Variants in ENOX1 observed in about 807,000 individuals in gnomAD.
ENOX1 encodes the protein ecto-NOX disulfide-thiol exchanger 1.
Under a neutral mutation model 82.5 loss-of-function variants are expected in ENOX1, and 42 were observed. The ratio of observed to expected loss-of-function variants is 0.51; its 90% CI spans 0.40 to 0.66. The LOEUF is 0.66. Among genes scored for constraint, ENOX1 ranks in the 30% least tolerant of loss-of-function variants. The probability of loss-of-function intolerance (pLI) is 0.00; values close to 1 mark genes in which losing one functional copy is unlikely to be tolerated. For synonymous variants in ENOX1, 271 were observed against 282.2 expected, an observed-to-expected ratio of 0.96 and a Z score of 0.40; for missense variants, 608 against 811.6, an observed-to-expected ratio of 0.75 and a Z score of 3.05.
chr13:43,531,649 C>G, intron 2 of ENOX1, among the ~76,000 whole-genome samples: 1 of 142,280 alleles, frequency 7.0e-6, no homozygotes. Flanking sequence ...GCACTATTCA[C>G]AATAGCAAAG....
At chr13:43,288,801 C>T (rs1469451946) in intron 12 of ENOX1, among the ~76,000 whole-genome samples, 3 of 152,040 alleles carry the variant, frequency 2.0e-5, no homozygotes, top group African/African-American at 7.2e-5. Context: ...AACTTTCTAT[C>T]TTTAGTTTTT....
chr13:43,552,655 T>G (rs971301805), intron 2 of ENOX1, among the ~76,000 whole-genome samples: 1 of 152,166 alleles, frequency 6.6e-6, no homozygotes, highest in African/African-American at 2.4e-5. Context: ...GTATACACAG[T>G]AGGACCAAAA....
chr13:43,511,706 G>A (rs754760278), intron 2 of ENOX1, among the ~76,000 whole-genome samples: 4 of 152,050 alleles, frequency 2.6e-5, no homozygotes, highest in Admixed American at 6.6e-5. Flanking sequence ...ATTCTTACTC[G>A]TTCTTTTATA....
intron 2 of ENOX1, among the ~76,000 whole-genome samples, chr13:43,534,369 C>A (rs2078360606): frequency 6.6e-6 from 1 of 152,084 alleles, no homozygotes; most frequent in African/African-American, 2.4e-5. Context: ...CTACCCCTTT[C>A]CTCTCCCAGA....
At chr13:43,600,088 C>T (rs1025267697) in intron 2 of ENOX1, among the ~76,000 whole-genome samples, 33 of 152,168 alleles carry the variant, frequency 2.2e-4, no homozygotes, top group Admixed American at 1.3e-3. Context: ...TGTGACCCAG[C>T]ATATTGCCAG....
chr13:43,337,951 T>G (rs1332593632), intron 9 of ENOX1, among the ~76,000 whole-genome samples: 1 of 152,222 alleles, frequency 6.6e-6, no homozygotes, highest in Non-Finnish European at 1.5e-5. Context: ...CTGCTTTTTA[T>G]CCATGCTCAT....
intron 2 of ENOX1, among the ~76,000 whole-genome samples, chr13:43,570,664 T>C (rs2080138199): frequency 2.6e-5 from 4 of 151,724 alleles, no homozygotes; most frequent in Admixed American, 2.0e-4. Flanking sequence ...AAGCCCGGGA[T>C]AGAACAAACT....
At chr13:43,757,471 A>G (rs1594710999) in intron 1 of ENOX1, among the ~76,000 whole-genome samples, 1 of 152,052 alleles carries the variant, frequency 6.6e-6, no homozygotes, top group Non-Finnish European at 1.5e-5. Context: ...CCATCTCATC[A>G]CTCCAGCTTT....
intron 11 of ENOX1, among the ~76,000 whole-genome samples, chr13:43,319,691 C>T (rs1453972851): frequency 6.6e-6 from 1 of 152,152 alleles, no homozygotes; most frequent in African/African-American, 2.4e-5. Flanking sequence ...CCTCCCGGCA[C>T]AGGCAGGTGA....
chr13:43,756,691 A>T (rs561242793), intron 1 of ENOX1, among the ~76,000 whole-genome samples: 17 of 152,136 alleles, frequency 1.1e-4, no homozygotes, highest in African/African-American at 4.1e-4. Context: ...CTTAGTAAGG[A>T]TTTGCTCATT....
intron 1 of ENOX1, 81 bp from the exon 2 acceptor site, chr13:43,667,625 G>GTTTCGC (rs2085047737): frequency 2.5e-6 from 1 of 400,206 alleles, no homozygotes; most frequent in Non-Finnish European, 3.4e-6. Flanking sequence ...TATGTAAGCA[G>GTTTCGC]ATGCAAGGTT....
At chr13:43,511,480 A>T (rs1320613783) in intron 2 of ENOX1, among the ~76,000 whole-genome samples, 6 of 152,150 alleles carry the variant, frequency 3.9e-5, no homozygotes, top group Non-Finnish European at 1.5e-5. Context: ...CAGTATAAGC[A>T]TATCAGATTG....
At chr13:43,412,171 A>AAAT (rs2054175396) in intron 4 of ENOX1, 118 bp from the exon 5 acceptor site, 1 of 1,175,824 alleles carries the variant, frequency 8.5e-7, no homozygotes. Context: ...TACAAAAAAA[A>AAAT]AATAAAGAAC....
intron 16 of ENOX1, among the ~76,000 whole-genome samples, chr13:43,220,052 C>G (rs2041705623): frequency 6.6e-6 from 1 of 151,038 alleles, no homozygotes; most frequent in African/African-American, 2.4e-5. Flanking sequence ...GAGAGAAATA[C>G]AAAATGTAGA....
chr13:43,239,479 T>C (rs908071837), intron 14 of ENOX1, among the ~76,000 whole-genome samples: 2 of 152,230 alleles, frequency 1.3e-5, no homozygotes, highest in Non-Finnish European at 2.9e-5. Context: ...TTGCATCTTA[T>C]AATAAACTGG....
chr13:43,600,747 T>C (rs575023703), intron 2 of ENOX1, among the ~76,000 whole-genome samples: 1 of 152,292 alleles, frequency 6.6e-6, no homozygotes, highest in African/African-American at 2.4e-5. Flanking sequence ...GCTTCAGGTC[T>C]CACACAGCAC....
rs540260403 is a variant in ENOX1 at position 43,477,914 on chromosome 13, C to T, written c.-75+6095G>A. 2.0e-5 allele frequency among the ~76,000 whole-genome samples: 3 copies of T among 152,142 alleles called. No individual in the cohort carries two copies. The East Asian group carries it at 5.8e-4, about 29-fold the overall frequency. On this transcript the variant is annotated intron_variant, in intron 3 of 16. Coordinates refer to ENST00000690772, the MANE Select transcript of ENOX1 (RefSeq NM_001347969.2). ...AGACTTCCTTTTCTTTCAAAATTGC[C>T]AATAAACATTTTCAAACATAATCCC...
At chr13:43,643,646 T>TACACAC (rs1157935660) in intron 2 of ENOX1, among the ~76,000 whole-genome samples, 1 of 151,176 alleles carries the variant, frequency 6.6e-6, no homozygotes, top group African/African-American at 2.4e-5. Context: ...TATATATATA[T>TACACAC]ATACACACAC....
chr13:43,282,824 G>A (rs1209911788), intron 12 of ENOX1, among the ~76,000 whole-genome samples: 1 of 151,922 alleles, frequency 6.6e-6, no homozygotes, highest in African/African-American at 2.4e-5. Flanking sequence ...CAGGCGCGGT[G>A]GCTTATGCCT....
Sources: gnomAD v4.1 joint callset for allele counts (sites outside exome capture counted in the v4.1 genomes callset) on GRCh38, gnomAD v4.1.1 for gene constraint, MANE v1.5 for transcripts, NCBI Gene and HGNC (gene_info 2026-07-23, HGNC 2026-07-21) for gene names.